LIPA: variants seen among roughly 807,000 people sequenced by gnomAD.
LIPA encodes lysosomal acid lipase/cholesteryl ester hydrolase.
LIPA carries 26 observed loss-of-function variants against 40.6 expected under a neutral mutation model. The observed-to-expected ratio is 0.64, with a 90% CI of 0.47 to 0.89. The LOEUF (loss-of-function observed/expected upper bound fraction) is 0.89, where lower values mean the gene tolerates loss of function less well. Among genes scored for constraint, LIPA ranks in the 40% least tolerant of loss-of-function variants. The pLI is 0.00. For missense variants in LIPA, 455 were observed against 479.6 expected (o/e 0.95, Z 0.48); for synonymous variants, 188 against 168.4 (o/e 1.12, Z -0.90).
At chr10:89,388,110 A>G (rs1216266380) in intron 2 of LIPA, among the ~76,000 whole-genome samples, 1 of 146,108 alleles carries the variant, frequency 6.8e-6, no homozygotes, top group Non-Finnish European at 1.5e-5. Flanking sequence ...ATGGAAAAAA[A>G]TTCTTTTTTT....
chr10:89,230,071 C>T (rs1842822154), intron 3 of LIPA, among the ~76,000 whole-genome samples: 3 of 152,166 alleles, frequency 2.0e-5, no homozygotes, highest in Middle Eastern at 3.4e-3. Context: ...CACCTGTACC[C>T]GAGACAGTGA....
intron 1 of LIPA, among the ~76,000 whole-genome samples, chr10:89,299,629 A>T (rs1029697828): frequency 6.6e-6 from 1 of 152,226 alleles, no homozygotes; most frequent in Admixed American, 6.5e-5. Flanking sequence ...TCACCTATAA[A>T]GGAGCTCTGG....
chr10:89,289,962 C>T (rs1843363428), intron 1 of LIPA, among the ~76,000 whole-genome samples: 1 of 147,294 alleles, frequency 6.8e-6, no homozygotes, highest in Admixed American at 6.8e-5. Context: ...CCTACAAAAT[C>T]GCTGAGGCCT....
chr10:89,227,013 C>T lies in LIPA; in HGVS notation c.429-9G>A. 1 of 1,486,482 alleles carries T rather than the reference C, an allele frequency of 6.7e-7. No homozygotes were observed. The highest frequency in any genetic ancestry group is 9.4e-7 in the Non-Finnish European group (1 of 1,063,722). The allele number at this position is 1,486,482 out of a possible 1,614,324, so 92.1% of individuals were successfully genotyped here. On this transcript the variant is annotated splice_polypyrimidine_tract_variant and intron_variant, in intron 4 of 9. Transcript: ENST00000336233. ...TTGCCATCTCATCATAACTGTAATC[C>T]AAGAAAGGAACTCTTTCATTGAAAT...
intron 3 of LIPA, 102 bp downstream of exon 3, chr10:89,245,573 TA>T (rs1409707702): frequency 2.3e-5 from 18 of 769,960 alleles, no homozygotes; most frequent in Non-Finnish European, 3.8e-5. Flanking sequence ...TGCTTTCGTC[TA>T]AAAATAATCC....
intron 1 of LIPA, among the ~76,000 whole-genome samples, chr10:89,311,524 C>CAA (rs36010336): frequency 0.063 from 4,647 of 73,208 alleles, 195 homozygotes; most frequent in East Asian, 0.25. Flanking sequence ...GACCCTGTCT[C>CAA]AAAAAAAAAA....
At chr10:89,303,479 T>C (rs1843458879) in intron 1 of LIPA, among the ~76,000 whole-genome samples, 1 of 152,212 alleles carries the variant, frequency 6.6e-6, no homozygotes, top group Non-Finnish European at 1.5e-5. Context: ...CAACTGGAAC[T>C]TCTATAGGAA....
chr10:89,283,675 C>T (rs1472373705), intron 1 of LIPA: 1 of 152,246 alleles, frequency 6.6e-6, no homozygotes, highest in Non-Finnish European at 1.5e-5. Flanking sequence ...ATCTCCTTTC[C>T]CTCCAGCAGG....
At chr10:89,259,139 C>A (rs1217120886) in intron 1 of LIPA, among the ~76,000 whole-genome samples, 1 of 152,210 alleles carries the variant, frequency 6.6e-6, no homozygotes, top group African/African-American at 2.4e-5. Context: ...TGCAAATATA[C>A]TGAATGCCAT....
intron 2 of LIPA, among the ~76,000 whole-genome samples, chr10:89,388,440 T>G (rs305393): frequency 1 from 151,796 of 152,324 alleles, 75,635 homozygotes; most frequent in Middle Eastern, 1. Flanking sequence ...AGCACCATTC[T>G]GGAGGTGTTT....
chr10:89,248,446 TTATTTATTTATTTA>T (rs1564765962), intron 1 of LIPA, among the ~76,000 whole-genome samples: 5 of 29,638 alleles, frequency 1.7e-4, no homozygotes, highest in African/African-American at 1.1e-3. Context: ...TATTTTATAT[TTATTTATTTATTTA>T]TTTATTTATT....
In LIPA at chr10:89,228,161, T is replaced by G. The variant is rs187143749; in HGVS notation, c.428+39A>C. On this transcript the variant is annotated intron_variant, in intron 4 of 9. Coordinates refer to ENST00000336233, the MANE Select transcript of LIPA (RefSeq NM_000235.4). ...AGCCTGTTGTCTGCTTTAAGAGTAC[T>G]AAGGAAATACATCCATGCCATTATC... The G allele has an allele frequency of 2.5e-4, 385 of 1,559,752 alleles. 1 individual carries two copies. The East Asian group carries it at 6.0e-3, about 24-fold the overall frequency.
intron 2 of LIPA, among the ~76,000 whole-genome samples, chr10:89,369,478 G>A (rs1844080146): frequency 6.7e-6 from 1 of 148,438 alleles, no homozygotes; most frequent in Non-Finnish European, 1.5e-5. Context: ...CCAAGAAGCG[G>A]TCTCTCTCCA....
chr10:89,383,262 T>C, intron 2 of LIPA: 1 of 1,471,328 alleles, frequency 6.8e-7, no homozygotes, highest in Admixed American at 2.0e-5. Context: ...GCTGGCTTCA[T>C]TTTCAGTGGA....
chr10:89,379,054 C>T (rs1044845717), intron 2 of LIPA, among the ~76,000 whole-genome samples: 1 of 152,120 alleles, frequency 6.6e-6, no homozygotes, highest in Non-Finnish European at 1.5e-5. Flanking sequence ...GAAGAAGCAG[C>T]TATTTTTATT....
chr10:89,261,009 T>C lies in LIPA; in HGVS notation c.-1-13360A>G, dbSNP rs75058821. On this transcript the variant is annotated intron_variant, in intron 1 of 5. Transcript: ENST00000282673. ...GACACATTCCAGCACCAGAAGAATT[T>C]CTAGAAATTATTGTCTAAGGGTCTT... Among the ~76,000 whole-genome samples, 262 of 152,298 alleles carry C rather than the reference T, an allele frequency of 1.7e-3. 1 individual carries two copies. Among genetic ancestry groups the C allele is most frequent in the African/African-American group, 6.2e-3 (257 of 41,556 alleles).
intron 2 of LIPA, among the ~76,000 whole-genome samples, chr10:89,397,877 C>T (rs1487484434): frequency 1.3e-5 from 2 of 152,114 alleles, no homozygotes; most frequent in African/African-American, 2.4e-5. Flanking sequence ...GTACCTTTGC[C>T]ATAAATAAAT....
chr10:89,394,604 A>T (rs1431454097), intron 2 of LIPA, among the ~76,000 whole-genome samples: 26 of 48,128 alleles, frequency 5.4e-4, no homozygotes, highest in African/African-American at 5.3e-3. Flanking sequence ...ATATATATAT[A>T]TATATATATA....
At chr10:89,339,199 C>T (rs1843804014) in intron 1 of LIPA, 1 of 1,613,994 alleles carries the variant, frequency 6.2e-7, no homozygotes, top group African/African-American at 1.3e-5. Flanking sequence ...TGCGATGTAC[C>T]ATCTGGATAA....
Sources: gnomAD v4.1 joint callset for allele counts (sites outside exome capture counted in the v4.1 genomes callset) on GRCh38, gnomAD v4.1.1 for gene constraint, MANE v1.5 for transcripts, NCBI Gene and HGNC (gene_info 2026-07-23, HGNC 2026-07-21) for gene names.